IHO1: variants seen among roughly 807,000 people sequenced by gnomAD.
The protein encoded by IHO1 is interactor of HORMAD1 protein 1.
Under a neutral mutation model 31.0 loss-of-function variants are expected in IHO1, and 13 were observed. That is an observed-to-expected ratio of 0.42 (90% CI 0.27 to 0.67). The LOEUF (loss-of-function observed/expected upper bound fraction) is 0.67. Ranked by LOEUF, IHO1 falls within the 30% of genes least tolerant of loss-of-function variation. IHO1 has a pLI of 0.24. For synonymous variants in IHO1, 221 were observed against 248.4 expected (o/e 0.89, Z 1.04); for missense variants, 599 against 687.5 (o/e 0.87, Z 1.44).
At chr3:49,211,635 AC>A in intron 1 of IHO1, 130 bp from the exon 2 acceptor site, 2 of 388,672 alleles carry the variant, frequency 5.1e-6, no homozygotes, top group South Asian at 3.6e-5. Context: ...AAAAAAAAAA[AC>A]AGAAATTTTC....
intron 4 of IHO1, among the ~76,000 whole-genome samples, chr3:49,242,032 C>T (rs2046638338): frequency 6.6e-6 from 1 of 152,092 alleles, no homozygotes; most frequent in African/African-American, 2.4e-5. Context: ...AAACATCCGC[C>T]TCCTGGGTTC....
At chr3:49,225,166 T>C (rs936822003) in intron 2 of IHO1, among the ~76,000 whole-genome samples, 1 of 152,178 alleles carries the variant, frequency 6.6e-6, no homozygotes, top group Non-Finnish European at 1.5e-5. Context: ...CTCTCTGTGA[T>C]GTATAAAGAG....
intron 2 of IHO1, among the ~76,000 whole-genome samples, chr3:49,232,825 G>A (rs1164126984): frequency 1.3e-5 from 2 of 152,068 alleles, no homozygotes; most frequent in Non-Finnish European, 2.9e-5. Flanking sequence ...CTTCAACAAG[G>A]GCTGACACAG....
intron 2 of IHO1, among the ~76,000 whole-genome samples, chr3:49,231,975 C>T (rs770212602): frequency 2.1e-4 from 32 of 152,170 alleles, no homozygotes; most frequent in Non-Finnish European, 4.1e-4. Flanking sequence ...CATGTTCCGT[C>T]GTTTGGGAGA....
At chr3:49,219,572 T>A (rs1418900949) in intron 2 of IHO1, among the ~76,000 whole-genome samples, 1 of 152,176 alleles carries the variant, frequency 6.6e-6, no homozygotes, top group African/African-American at 2.4e-5. Context: ...CTTTCCACAC[T>A]CTATATTTCT....
intron 7 of IHO1, 58 bp downstream of exon 7, chr3:49,255,551 A>G: frequency 2.3e-6 from 2 of 871,146 alleles, no homozygotes; most frequent in Non-Finnish European, 3.4e-6. Flanking sequence ...CTAGACCCAG[A>G]GAGAAACTTT....
At chr3:49,203,758 GT>G (rs753834360) in intron 1 of IHO1, among the ~76,000 whole-genome samples, 1 of 152,272 alleles carries the variant, frequency 6.6e-6, no homozygotes, top group Middle Eastern at 3.4e-3. Context: ...GGAGTGAGGA[GT>G]GGTCAAATTC....
Position 49,220,921 on chromosome 3 carries a change from A to T in IHO1, c.56+9085A>T, listed in dbSNP as rs541250036. 2.6e-5 allele frequency among the ~76,000 whole-genome samples: 4 copies of T among 152,296 alleles called. No individual in the cohort carries two copies. In the East Asian group the frequency reaches 7.7e-4, roughly 29 times the overall value. On this transcript the variant is annotated intron_variant, in intron 2 of 7. Transcript: ENST00000452691. The stretch of plus-strand genomic sequence containing the variant: ...CCAAAGAGTGAGCAGCAGCAAAAGA[A>T]CAAATCTTCCACAATGTGGAAGGGG...
Position 49,236,658 on chromosome 3 carries a change from C to T in IHO1, c.167C>T (p.Ser56Leu), listed in dbSNP as rs2046563169. Residue 56 changes from serine (S) to leucine (L), a missense_variant, in exon 3 of 8, where the codon TCA (serine) becomes TTA (leucine). Transcript: ENST00000452691. ...TGTCCAGAAAATTCAGAAACCCTAT[C>T]AGCACCCTTGGACTTTGGTGCCCAC... The part of the protein sequence containing the change: ...QFCPENSETL[S>L]APLDFGAHLR... 6.2e-7 allele frequency: 1 copy of T among 1,614,108 alleles called. No individual in the cohort carries two copies. Among genetic ancestry groups the T allele is most frequent in the Non-Finnish European group, 8.5e-7 (1 of 1,179,952 alleles).
At chr3:49,196,639 C>A (rs531128944), upstream of IHO1, among the ~76,000 whole-genome samples, 1 of 151,322 alleles carries the variant, frequency 6.6e-6, no homozygotes, top group African/African-American at 2.4e-5. Flanking sequence ...TGCGCCACCA[C>A]ACCTGGCTAA....
At chr3:49,195,312 C>T (rs947495741), upstream of IHO1, among the ~76,000 whole-genome samples, 2 of 151,540 alleles carry the variant, frequency 1.3e-5, no homozygotes, top group African/African-American at 4.9e-5. Flanking sequence ...ATCCCAGCTA[C>T]TTGGGAGGCT....
chr3:49,248,982 T>C (rs2046728950), intron 6 of IHO1, among the ~76,000 whole-genome samples: 1 of 152,210 alleles, frequency 6.6e-6, no homozygotes, highest in Non-Finnish European at 1.5e-5. Context: ...TTTCAGTCTC[T>C]ACTCATGTGC....
At chr3:49,207,099 G>A (rs1357410080) in intron 1 of IHO1, among the ~76,000 whole-genome samples, 1 of 151,176 alleles carries the variant, frequency 6.6e-6, no homozygotes, top group Non-Finnish European at 1.5e-5. Context: ...GAATACAGGT[G>A]GACAGATGAG....
chr3:49,256,096 C>T lies in IHO1; in HGVS notation c.637-38C>T. The T allele has an allele frequency of 6.6e-7, 1 of 1,518,950 alleles. No individual in the cohort carries two copies. Among genetic ancestry groups the T allele is most frequent in the Non-Finnish European group, 8.9e-7 (1 of 1,118,002 alleles). 94.1% of individuals were successfully genotyped at this position (1,518,950 alleles called of 1,614,324 possible). On this transcript the variant is annotated intron_variant, in intron 7 of 7. Coordinates refer to ENST00000452691, the MANE Select transcript of IHO1 (RefSeq NM_001135197.2). This position sits in a 1 kb window ranked among gnomAD's most constrained non-coding sequence, Gnocchi z 4.6. Reference sequence around the variant, plus strand: ...GTTTTATTGTGCTTTCTGACTTGCACTGTCCATCACTGTCTTTCTCACTGC... The same window carrying T: ...GTTTTATTGTGCTTTCTGACTTGCATTGTCCATCACTGTCTTTCTCACTGC...
intron 2 of IHO1, among the ~76,000 whole-genome samples, chr3:49,232,771 A>C (rs1261898801): frequency 6.6e-6 from 1 of 152,222 alleles, no homozygotes; most frequent in Non-Finnish European, 1.5e-5. Context: ...ATTGTAATTT[A>C]ATGATAGTTA....
chr3:49,242,901 T>A (rs939081952), intron 4 of IHO1, among the ~76,000 whole-genome samples: 1 of 152,222 alleles, frequency 6.6e-6, no homozygotes, highest in African/African-American at 2.4e-5. Context: ...TGAATTTTTT[T>A]AAACTTTTAT....
chr3:49,250,993 C>T (rs2046753255), intron 6 of IHO1, among the ~76,000 whole-genome samples: 1 of 151,836 alleles, frequency 6.6e-6, no homozygotes, highest in African/African-American at 2.4e-5. Flanking sequence ...CACTGCACTC[C>T]AGCCTGGGCG....
intron 2 of IHO1, among the ~76,000 whole-genome samples, chr3:49,212,553 GT>G (rs2107688051): frequency 6.6e-6 from 1 of 152,048 alleles, no homozygotes; most frequent in South Asian, 2.1e-4. Flanking sequence ...TTCCCATCAG[GT>G]TATAATAATG....
At chr3:49,241,938 T>A (rs1284358147) in intron 4 of IHO1, among the ~76,000 whole-genome samples, 1 of 151,332 alleles carries the variant, frequency 6.6e-6, no homozygotes, top group Admixed American at 6.6e-5. Context: ...TTATTATTAT[T>A]TATTTTATTA....
Sources: allele counts gnomAD v4.1 joint callset (sites outside exome capture counted in the v4.1 genomes callset), GRCh38; gene constraint gnomAD v4.1.1; non-coding constraint Gnocchi (gnomAD v3.1); transcripts MANE v1.5; gene names NCBI Gene and HGNC (gene_info 2026-07-23, HGNC 2026-07-21).